The following TNKS variants were observed in gnomAD, a reference collection of about 807,000 sequenced individuals.
TNKS encodes the protein tankyrase, also known as poly [ADP-ribose] polymerase tankyrase-1.
Under a neutral mutation model 135.8 loss-of-function variants are expected in TNKS, and 72 were observed. The ratio of observed to expected loss-of-function variants is 0.53; its 90% CI spans 0.44 to 0.64. The LOEUF (loss-of-function observed/expected upper bound fraction) is 0.64. Among genes scored for constraint, TNKS ranks in the 30% least tolerant of loss-of-function variants. The pLI, the probability that TNKS is intolerant of heterozygous loss-of-function variation, is 0.00. For synonymous variants in TNKS, 849 were observed against 649.3 expected (o/e 1.31, Z -4.68); for missense variants, 1,769 against 1,674.0 (o/e 1.06, Z -0.99).
intron 3 of TNKS, among the ~76,000 whole-genome samples, chr8:9,633,386 C>G (rs1026375757): frequency 2.6e-5 from 4 of 152,168 alleles, no homozygotes; most frequent in Non-Finnish European, 4.4e-5. Flanking sequence ...TACATCTGTA[C>G]AATAGTGAAG....
intron 12 of TNKS, chr8:9,722,404 C>G (rs373683216): frequency 4.6e-5 from 7 of 152,204 alleles, no homozygotes; most frequent in South Asian, 2.1e-4. Flanking sequence ...CTAGGTCATT[C>G]GTAGATAGTG....
At chr8:9,599,480 A>G (rs538678681) in intron 2 of TNKS, among the ~76,000 whole-genome samples, 1 of 152,338 alleles carries the variant, frequency 6.6e-6, no homozygotes, top group South Asian at 2.1e-4. Flanking sequence ...GTTACTAAGG[A>G]TTGAGCAGTA....
chr8:9,652,536 A>T (rs764944726), intron 3 of TNKS, among the ~76,000 whole-genome samples: 2 of 152,154 alleles, frequency 1.3e-5, no homozygotes, highest in Non-Finnish European at 2.9e-5. Context: ...CTTTTTGTTT[A>T]AATAAAATAT....
chr8:9,675,551 C>T (rs930230138), intron 3 of TNKS, among the ~76,000 whole-genome samples: 1 of 152,122 alleles, frequency 6.6e-6, no homozygotes, highest in Admixed American at 6.5e-5. Flanking sequence ...TCCCTTGGCC[C>T]AATAGCCTTT....
In TNKS at chr8:9,706,792, G is replaced by T. The variant is rs139946821; in HGVS notation, c.1270-19G>T. On this transcript the variant is annotated intron_variant, in intron 7 of 26. Transcript: ENST00000310430. ...AGCAAAATGATTACTGACCTAAAAT[G>T]TTTTTTTTCTCAATTCAGCATGGAG... is the stretch of plus-strand genomic sequence containing the variant. 37 of 1,579,982 alleles carry T rather than the reference G, an allele frequency of 2.3e-5. No individual in the cohort carries two copies. The African/African-American group carries it at 4.5e-4, about 19-fold the overall frequency.
intron 3 of TNKS, among the ~76,000 whole-genome samples, chr8:9,649,573 C>A (rs1801059864): frequency 6.6e-6 from 1 of 152,044 alleles, no homozygotes; most frequent in South Asian, 2.1e-4. Context: ...GCACCTGTTA[C>A]CCGAGCAGTG....
intron 3 of TNKS, among the ~76,000 whole-genome samples, chr8:9,656,761 C>A (rs1801392144): frequency 6.6e-6 from 1 of 150,942 alleles, no homozygotes; most frequent in Non-Finnish European, 1.5e-5. Flanking sequence ...GGCAGAGGAC[C>A]CCACGGCCTT....
At chr8:9,573,237 G>A (rs1797826632) in intron 1 of TNKS, among the ~76,000 whole-genome samples, 1 of 152,188 alleles carries the variant, frequency 6.6e-6, no homozygotes, top group Non-Finnish European at 1.5e-5. Context: ...AGCAAAGAAT[G>A]ATTGGTGAAT....
intron 23 of TNKS, 70 bp from the exon 24 acceptor site, chr8:9,765,622 A>T: frequency 7.5e-7 from 1 of 1,340,624 alleles, no homozygotes; most frequent in Non-Finnish European, 1.1e-6. Flanking sequence ...TAAAAGGAAA[A>T]CATACTTTTC....
At chr8:9,692,876 A>G (rs1024192528) in intron 5 of TNKS, among the ~76,000 whole-genome samples, 2 of 152,222 alleles carry the variant, frequency 1.3e-5, no homozygotes, top group East Asian at 3.8e-4. Context: ...AGCATTAGCA[A>G]TGAAATATAT....
chr8:9,579,128 A>G (rs1040950666), intron 1 of TNKS, among the ~76,000 whole-genome samples: 1 of 151,610 alleles, frequency 6.6e-6, no homozygotes, highest in African/African-American at 2.4e-5. Context: ...CTCCCCCTAA[A>G]CCCCCATTTT....
chr8:9,698,374 G>GAAAAA lies in TNKS; in HGVS notation c.1108-6276_1108-6272dup, dbSNP rs34311181. Among the ~76,000 whole-genome samples, 99 of 98,730 alleles carry GAAAAA rather than the reference G, an allele frequency of 1.0e-3. 2 individuals carry two copies. Among genetic ancestry groups the GAAAAA allele is most frequent in the Non-Finnish European group, 1.2e-3 (64 of 53,236 alleles). The allele number at this position is 98,730 out of a possible 152,430, so 64.8% of individuals were successfully genotyped here. On this transcript the variant is annotated intron_variant, in intron 5 of 26. Coordinates refer to ENST00000310430, the MANE Select transcript of TNKS (RefSeq NM_003747.3). ...GTATCTAAAAGTTAAATTTTAAAAT[G>GAAAAA]AAAAAAAAAAAAAAAAAGCTTAAGT...
chr8:9,593,964 G>A (rs1798680509), intron 2 of TNKS, among the ~76,000 whole-genome samples: 1 of 151,982 alleles, frequency 6.6e-6, no homozygotes. Flanking sequence ...TCAGCTCACT[G>A]GAACCTTTGC....
At chr8:9,709,116 G>A (rs1221812487) in intron 9 of TNKS, among the ~76,000 whole-genome samples, 2 of 152,126 alleles carry the variant, frequency 1.3e-5, no homozygotes, top group African/African-American at 4.8e-5. Context: ...TGTGATGCCT[G>A]CATCACAGAC....
intron 3 of TNKS, among the ~76,000 whole-genome samples, chr8:9,659,264 C>A (rs202047776): frequency 6.6e-6 from 1 of 152,186 alleles, no homozygotes; most frequent in African/African-American, 2.4e-5. Context: ...CTCTCCACCC[C>A]AAATCAACAG....
At chr8:9,770,404 G>T in intron 26 of TNKS, 142 bp downstream of exon 26, 1 of 951,712 alleles carries the variant, frequency 1.1e-6, no homozygotes, top group Admixed American at 3.1e-5. Context: ...ACAAAATAAA[G>T]GTATCAAAAT....
chr8:9,670,353 A>T (rs6998584), intron 3 of TNKS, among the ~76,000 whole-genome samples: 35,241 of 151,904 alleles, frequency 0.23, 4,468 homozygotes, highest in Admixed American at 0.32. Flanking sequence ...AGATGTTCAA[A>T]TTTAGGTCAT....
chr8:9,637,300 G>A (rs190138130), intron 3 of TNKS, among the ~76,000 whole-genome samples: 1 of 152,070 alleles, frequency 6.6e-6, no homozygotes, highest in African/African-American at 2.4e-5. Flanking sequence ...TCTTTCTGAC[G>A]ATACAGACTG....
At chr8:9,587,529 A>C (rs1379621548) in intron 2 of TNKS, among the ~76,000 whole-genome samples, 1 of 151,716 alleles carries the variant, frequency 6.6e-6, no homozygotes, top group Non-Finnish European at 1.5e-5. Flanking sequence ...CCTCCTGAGT[A>C]GCTGGGACTG....
Sources: gnomAD v4.1 joint callset for allele counts (sites outside exome capture counted in the v4.1 genomes callset) on GRCh38, gnomAD v4.1.1 for gene constraint, MANE v1.5 for transcripts, NCBI Gene and HGNC (gene_info 2026-07-23, HGNC 2026-07-21) for gene names.